Variants in AUTS2 observed in about 807,000 individuals in gnomAD.
AUTS2 encodes the protein autism susceptibility gene 2 protein.
A neutral mutation model predicts 112.4 loss-of-function variants in AUTS2; 17 were observed. That is an observed-to-expected ratio of 0.15 (90% CI 0.10 to 0.23). The LOEUF (loss-of-function observed/expected upper bound fraction) is 0.23, where lower values mean the gene tolerates loss of function less well. Ranked by LOEUF, AUTS2 falls within the 10% of genes least tolerant of loss-of-function variation. The pLI is 1.00. For missense variants in AUTS2, 1,510 were observed against 1,701.6 expected, an observed-to-expected ratio of 0.89 and a Z score of 1.98; for synonymous variants, 751 against 702.7, an observed-to-expected ratio of 1.07 and a Z score of -1.09.
At chr7:70,169,536 C>T (rs112269970) in intron 4 of AUTS2, among the ~76,000 whole-genome samples, 72 of 152,274 alleles carry the variant, frequency 4.7e-4, no homozygotes, top group Admixed American at 7.2e-4. Flanking sequence ...CCACCGCATA[C>T]GGCCTATTAA....
chr7:69,842,665 G>A (rs190978128), intron 1 of AUTS2, among the ~76,000 whole-genome samples: 3 of 152,322 alleles, frequency 2.0e-5, no homozygotes, highest in Admixed American at 2.0e-4. Context: ...ACACCAGTGA[G>A]TGTTTCTTAT....
chr7:70,005,544 C>T (rs894167299), intron 2 of AUTS2, among the ~76,000 whole-genome samples: 12 of 152,068 alleles, frequency 7.9e-5, no homozygotes, highest in African/African-American at 2.7e-4. Context: ...GAGGAATTAC[C>T]ATCTAGGGGG....
intron 5 of AUTS2, among the ~76,000 whole-genome samples, chr7:70,557,802 A>C (rs1414367713): frequency 6.6e-6 from 1 of 152,206 alleles, no homozygotes; most frequent in Admixed American, 6.5e-5. Flanking sequence ...GTTTGTGTGC[A>C]TCCTCCAGCC....
chr7:70,620,464 ACCACGC>A (rs1804613847), intron 5 of AUTS2, among the ~76,000 whole-genome samples: 1 of 151,988 alleles, frequency 6.6e-6, no homozygotes, highest in African/African-American at 2.4e-5. Flanking sequence ...GCTCAGTCAC[ACCACGC>A]TCATCACTGA....
intron 2 of AUTS2, among the ~76,000 whole-genome samples, chr7:70,023,005 C>T (rs1049330921): frequency 1.3e-5 from 2 of 152,056 alleles, no homozygotes; most frequent in African/African-American, 4.8e-5. Context: ...GCACACGCCA[C>T]CATACCTGGC....
intron 4 of AUTS2, among the ~76,000 whole-genome samples, chr7:70,219,198 G>A (rs1465044013): frequency 6.6e-6 from 1 of 152,158 alleles, no homozygotes; most frequent in East Asian, 1.9e-4. Context: ...AAATCCAATG[G>A]AAAACATCTC....
intron 4 of AUTS2, among the ~76,000 whole-genome samples, chr7:70,178,218 T>C (rs1809100110): frequency 6.6e-6 from 1 of 152,222 alleles, no homozygotes; most frequent in Non-Finnish European, 1.5e-5. Flanking sequence ...AATGTCCCTG[T>C]GGTGCCATTA....
chr7:70,152,731 G>A (rs1463880840), intron 4 of AUTS2, among the ~76,000 whole-genome samples: 15 of 152,000 alleles, frequency 9.9e-5, no homozygotes, highest in Non-Finnish European at 4.4e-5. Context: ...TATACAAATG[G>A]CAAATAAGCA....
At chr7:70,652,117 A>C (rs1806539867) in intron 5 of AUTS2, among the ~76,000 whole-genome samples, 1 of 152,212 alleles carries the variant, frequency 6.6e-6, no homozygotes, top group Non-Finnish European at 1.5e-5. Context: ...TGAGTGACTA[A>C]GTGGTAGTTG....
At chr7:69,663,585 T>A (rs984939722) in intron 1 of AUTS2, among the ~76,000 whole-genome samples, 2 of 152,222 alleles carry the variant, frequency 1.3e-5, no homozygotes, top group Non-Finnish European at 2.9e-5. Context: ...ACACTTGTGC[T>A]TTTACTGGAA....
At chr7:70,386,600 C>A (rs777075373) in intron 4 of AUTS2, among the ~76,000 whole-genome samples, 1 of 151,468 alleles carries the variant, frequency 6.6e-6, no homozygotes, top group Non-Finnish European at 1.5e-5. Flanking sequence ...TCTGAAATAT[C>A]CTAAAGTGAC....
At chr7:69,689,796 G>A (rs1797244743) in intron 1 of AUTS2, among the ~76,000 whole-genome samples, 1 of 151,094 alleles carries the variant, frequency 6.6e-6, no homozygotes, top group Non-Finnish European at 1.5e-5. Context: ...TCCTGCCTCA[G>A]CCTCCCGAGT....
At chr7:70,111,984 A>G (rs1805111808) in intron 2 of AUTS2, among the ~76,000 whole-genome samples, 1 of 151,762 alleles carries the variant, frequency 6.6e-6, no homozygotes, top group Admixed American at 6.6e-5. Flanking sequence ...TGTTCTTCTC[A>G]TTTTTAGAAT....
chr7:70,131,587 T>C (rs1806273007), intron 3 of AUTS2, among the ~76,000 whole-genome samples: 1 of 152,204 alleles, frequency 6.6e-6, no homozygotes, highest in Non-Finnish European at 1.5e-5. Context: ...TGAAACAATA[T>C]TACTGCTGTT....
intron 1 of AUTS2, among the ~76,000 whole-genome samples, chr7:69,741,860 G>C (rs539824757): frequency 6.6e-6 from 1 of 151,416 alleles, no homozygotes; most frequent in African/African-American, 2.4e-5. Flanking sequence ...TTGAAGTTCA[G>C]TGGTGCGATA....
At chr7:69,970,753 A>G (rs1305630780) in intron 2 of AUTS2, among the ~76,000 whole-genome samples, 3 of 152,216 alleles carry the variant, frequency 2.0e-5, no homozygotes. Flanking sequence ...TTGTATATAC[A>G]TAATACACCT....
At chr7:70,014,052 C>G (rs1799921792) in intron 2 of AUTS2, among the ~76,000 whole-genome samples, 1 of 152,170 alleles carries the variant, frequency 6.6e-6, no homozygotes, top group Admixed American at 6.5e-5. Flanking sequence ...GTTTTCTTTC[C>G]CTGTAAACAC....
chr7:70,247,057 T>C (rs1812962660), intron 4 of AUTS2, among the ~76,000 whole-genome samples: 1 of 152,134 alleles, frequency 6.6e-6, no homozygotes, highest in Non-Finnish European at 1.5e-5. Flanking sequence ...CAAACAGATA[T>C]TTGTTCACCA....
chr7:69,718,337 G>A (rs1798729597), intron 1 of AUTS2, among the ~76,000 whole-genome samples: 1 of 152,144 alleles, frequency 6.6e-6, no homozygotes, highest in Non-Finnish European at 1.5e-5. Flanking sequence ...TAGGCTAGAA[G>A]TCCAACATGG....
Sources: allele counts gnomAD v4.1 joint callset (sites outside exome capture counted in the v4.1 genomes callset), GRCh38; gene constraint gnomAD v4.1.1; transcripts MANE v1.5; gene names NCBI Gene and HGNC (gene_info 2026-07-23, HGNC 2026-07-21).